Variants in PANK3 observed in about 807,000 individuals in gnomAD.
The protein encoded by PANK3 is hPanK3.
A neutral mutation model predicts 39.4 loss-of-function variants in PANK3; 20 were observed. The observed-to-expected ratio is 0.51, with a 90% CI of 0.36 to 0.74. The LOEUF is 0.74. Among genes scored for constraint, PANK3 ranks in the 30% least tolerant of loss-of-function variants. PANK3 has a pLI of 0.00. For synonymous variants in PANK3, 140 were observed against 157.3 expected (o/e 0.89, Z 0.82); for missense variants, 265 against 437.0 (o/e 0.61, Z 3.51).
At chr5:168,565,534 T>A (rs1477735083) in intron 3 of PANK3, among the ~76,000 whole-genome samples, 1 of 151,980 alleles carries the variant, frequency 6.6e-6, no homozygotes, top group Non-Finnish European at 1.5e-5. Flanking sequence ...AATATAAACA[T>A]AATAAAGTTT....
intron 1 of PANK3, among the ~76,000 whole-genome samples, chr5:168,578,474 A>C (rs1355973719): frequency 6.6e-6 from 1 of 152,274 alleles, no homozygotes; most frequent in African/African-American, 2.4e-5. Flanking sequence ...ATACTTAAAA[A>C]GAGTGACAAT....
rs568683603 is a variant in PANK3, at chr5:168,557,410, TACTTCACGTTACCAAG to T, written c.*145_*160del. ...AAAGGGAAAGCATTTCAATGAGAAA[TACTTCACGTTACCAAG>T]TTCTCTCCTTTAATATGGCAACATT... On this transcript the variant is annotated 3_prime_UTR_variant, in exon 7 of 7. Transcript: ENST00000239231. 1.9e-3 allele frequency: 1,202 copies of T among 626,882 alleles called. 30 individuals are homozygous for T. In the South Asian group the frequency reaches 0.024, roughly 13 times the overall value. 38.8% of individuals were successfully genotyped at this position (626,882 alleles called of 1,614,324 possible).
At position 168,550,250 on chromosome 5, in the gene PANK3, C is replaced by T. The variant is rs1418006446; in HGVS notation, c.*7321G>A. On this transcript the variant is annotated 3_prime_UTR_variant, in exon 7 of 7. Coordinates refer to ENST00000239231, the MANE Select transcript of PANK3 (RefSeq NM_024594.4). ...ATGATTTTGCCCAGCTAAAGGCCAACGTTAAGTGTTCAGAACACATTTAAG... is the reference window on the plus strand; with the variant it reads ...ATGATTTTGCCCAGCTAAAGGCCAATGTTAAGTGTTCAGAACACATTTAAG... The T allele has an allele frequency of 1.3e-5, 2 of 152,126 alleles. No individual in the cohort carries two copies. The highest frequency in any genetic ancestry group is 1.9e-4 in the East Asian group (1 of 5,198). 9.4% of individuals were successfully genotyped at this position (152,126 alleles called of 1,614,324 possible).
At chr5:168,558,906 C>T in intron 6 of PANK3, 126 bp downstream of exon 6, 2 of 860,626 alleles carry the variant, frequency 2.3e-6, no homozygotes, top group East Asian at 2.9e-5. Context: ...GATTGATGAG[C>T]CCAGGAGGAA....
In PANK3 at chr5:168,556,921, C is replaced by A. The variant is rs1406905088; in HGVS notation, c.*650G>T. ...TAATTCCTGTAAAATACAGAAAGTG[C>A]AACATCACCAAACGTGCATTTCCCA... On this transcript the variant is annotated 3_prime_UTR_variant, in exon 7 of 7. Coordinates refer to ENST00000239231, the MANE Select transcript of PANK3 (RefSeq NM_024594.4). 1 of 152,564 alleles carries A rather than the reference C, an allele frequency of 6.6e-6. No individual in the cohort carries two copies. The highest frequency in any genetic ancestry group is 2.1e-4 in the South Asian group (1 of 4,830). The allele number at this position is 152,564 out of a possible 1,614,324, so 9.5% of individuals were successfully genotyped here.
chr5:168,575,780 C>T (rs906290469), intron 1 of PANK3, among the ~76,000 whole-genome samples: 16 of 150,264 alleles, frequency 1.1e-4, no homozygotes, highest in African/African-American at 3.2e-4. Context: ...TGTGAGATCG[C>T]GTCTCAAAAG....
chr5:168,560,365 T>G (rs1759427882), intron 5 of PANK3, among the ~76,000 whole-genome samples: 1 of 152,192 alleles, frequency 6.6e-6, no homozygotes, highest in South Asian at 2.1e-4. Context: ...AACCTCTGCC[T>G]AAGAATCACA....
rs56668677 is a variant in PANK3, at chr5:168,565,886, T to TATA, written c.635+126_635+127insTAT. Reference sequence around the variant, plus strand: ...AAAAAAAAATATATATATATATATATTTTTTTTTTTTGCTGTTGTGCAAAT... The same window carrying TATA: ...AAAAAAAAATATATATATATATATATATATTTTTTTTTTTGCTGTTGTGCAAAT... On this transcript the variant is annotated intron_variant, in intron 3 of 6. Transcript: ENST00000239231. 9.8e-4 allele frequency: 164 copies of TATA among 167,684 alleles called. 3 individuals are homozygous for TATA. Among genetic ancestry groups the TATA allele is most frequent in the Middle Eastern group, 2.8e-3 (1 of 362 alleles). The allele number at this position is 167,684 out of a possible 1,614,324, so 10.4% of individuals were successfully genotyped here.
At chr5:168,574,366 T>G (rs1759698287) in intron 1 of PANK3, among the ~76,000 whole-genome samples, 1 of 152,154 alleles carries the variant, frequency 6.6e-6, no homozygotes, top group South Asian at 2.1e-4. Flanking sequence ...GATGGGGTTG[T>G]TTGTTTTTTT....
At chr5:168,574,980 C>T (rs1348678042) in intron 1 of PANK3, among the ~76,000 whole-genome samples, 2 of 152,004 alleles carry the variant, frequency 1.3e-5, no homozygotes, top group Admixed American at 1.3e-4. Context: ...CACAAGCAGC[C>T]TACTTACGGC....
In PANK3 at chr5:168,551,882, C is replaced by T. The variant is rs980501002; in HGVS notation, c.*5689G>A. 12 of 152,076 alleles carry T rather than the reference C, an allele frequency of 7.9e-5. No individual in the cohort carries two copies. The highest frequency in any genetic ancestry group is 2.7e-4 in the African/African-American group (11 of 41,388). The allele number at this position is 152,076 out of a possible 1,614,324, so 9.4% of individuals were successfully genotyped here. Reference sequence around the variant, plus strand: ...TTACTGGCAATAGTACTGACTTTACCCAAACTAAGAGACCACCTAATTTCC... The same window carrying T: ...TTACTGGCAATAGTACTGACTTTACTCAAACTAAGAGACCACCTAATTTCC... On this transcript the variant is annotated 3_prime_UTR_variant, in exon 7 of 7. Coordinates refer to ENST00000239231, the MANE Select transcript of PANK3 (RefSeq NM_024594.4).
In PANK3 at chr5:168,551,017, T is replaced by A. The variant is rs559581652; in HGVS notation, c.*6554A>T. 1 of 152,188 alleles carries A rather than the reference T, an allele frequency of 6.6e-6. No individual in the cohort carries two copies. Among genetic ancestry groups the A allele is most frequent in the African/African-American group, 2.4e-5 (1 of 41,460 alleles). The allele number at this position is 152,188 out of a possible 1,614,324, so 9.4% of individuals were successfully genotyped here. ...AAATTAATTATTCAAAATTTAGATA[T>A]GTCAGAAAAGCTGGGATGATTGATT... On this transcript the variant is annotated 3_prime_UTR_variant, in exon 7 of 7. Transcript: ENST00000239231.
chr5:168,567,230 G>GCATGTGTAGCTTTGGTATTCATGAT (rs1759550198), intron 2 of PANK3, among the ~76,000 whole-genome samples: 2 of 152,116 alleles, frequency 1.3e-5, no homozygotes, highest in Non-Finnish European at 2.9e-5. Flanking sequence ...TATCAATCTG[G>GCATGTGTAGCTTTGGTATTCATGAT]CATGTGTAGC....
At chr5:168,565,857 T>TAAAAAAAAA (rs33910263) in intron 3 of PANK3, among the ~76,000 whole-genome samples, 156 bp downstream of exon 3, 2 of 104,280 alleles carry the variant, frequency 1.9e-5, no homozygotes, top group East Asian at 3.7e-4. Flanking sequence ...CTCTTTCACT[T>TAAAAAAAAA]AAAAAAAAAA....
At chr5:168,562,843 C>A (rs1184577175) in intron 4 of PANK3, among the ~76,000 whole-genome samples, 1 of 152,002 alleles carries the variant, frequency 6.6e-6, no homozygotes, top group East Asian at 1.9e-4. Context: ...TACAGAAAAT[C>A]AAGCAAAGGA....
At chr5:168,571,418 A>C (rs1399524399) in intron 1 of PANK3, among the ~76,000 whole-genome samples, 3 of 152,222 alleles carry the variant, frequency 2.0e-5, no homozygotes, top group African/African-American at 7.2e-5. Context: ...TGTACCACTT[A>C]GACAAGGAGG....
intron 6 of PANK3, among the ~76,000 whole-genome samples, chr5:168,558,636 A>C (rs1759391934): frequency 6.6e-6 from 1 of 152,210 alleles, no homozygotes; most frequent in African/African-American, 2.4e-5. Context: ...ATGAATACAA[A>C]AAAATCTGGG....
At chr5:168,565,908 A>C in intron 3 of PANK3, 105 bp downstream of exon 3, 1 of 741,586 alleles carries the variant, frequency 1.3e-6, no homozygotes, top group Non-Finnish European at 1.9e-6. Context: ...GCTGTTGTGC[A>C]AATACATGCT....
At chr5:168,571,211 G>C (rs1219713903) in intron 1 of PANK3, among the ~76,000 whole-genome samples, 1 of 152,160 alleles carries the variant, frequency 6.6e-6, no homozygotes, top group African/African-American at 2.4e-5. Flanking sequence ...ACACAAAGGA[G>C]TATTTTCCAA....
Sources: gnomAD v4.1 joint callset for allele counts (sites outside exome capture counted in the v4.1 genomes callset) on GRCh38, gnomAD v4.1.1 for gene constraint, MANE v1.5 for transcripts, NCBI Gene and HGNC (gene_info 2026-07-23, HGNC 2026-07-21) for gene names.